The following KCNN2 variants were observed in gnomAD, a reference collection of about 807,000 sequenced individuals.
KCNN2 encodes small conductance calcium-activated potassium channel protein 2.
KCNN2 carries 24 observed loss-of-function variants against 55.5 expected under a neutral mutation model. The ratio of observed to expected loss-of-function variants is 0.43; its 90% CI spans 0.31 to 0.61. The LOEUF is 0.61. Ranked by LOEUF, KCNN2 falls within the 20% of genes least tolerant of loss-of-function variation. The pLI is 0.08. For synonymous variants in KCNN2, 431 were observed against 336.1 expected (o/e 1.28, Z -3.09); for missense variants, 754 against 853.6 (o/e 0.88, Z 1.45).
intron 2 of KCNN2, among the ~76,000 whole-genome samples, chr5:114,350,648 G>T (rs1420698770): frequency 6.6e-6 from 1 of 151,860 alleles, no homozygotes; most frequent in African/African-American, 2.4e-5. Context: ...GTAAAGAAAG[G>T]GTCCAGGTTC....
rs537815980 is a variant in KCNN2, at chr5:114,484,623, T to G, written c.1891-2427T>G. On this transcript the variant is annotated intron_variant, in intron 5 of 7. Coordinates refer to ENST00000673685, the MANE Select transcript of KCNN2 (RefSeq NM_021614.4). ...ACTGTCCTCTGTTCCTTTTCAACCCTAGATGGAAAGGAAGACCCTACTATT... is the reference window on the plus strand; with the variant it reads ...ACTGTCCTCTGTTCCTTTTCAACCCGAGATGGAAAGGAAGACCCTACTATT... 2.0e-4 allele frequency among the ~76,000 whole-genome samples: 30 copies of G among 152,240 alleles called. 2 individuals carry two copies. The South Asian group carries it at 6.2e-3, about 32-fold the overall frequency.
Position 114,404,485 on chromosome 5 carries a change from T to G in KCNN2, c.1266T>G (p.Thr422=). The G allele has an allele frequency of 6.2e-7, 1 of 1,613,648 alleles. No individual in the cohort carries two copies. The highest frequency in any genetic ancestry group is 8.5e-7 in the Non-Finnish European group (1 of 1,179,984). Residue 422 remains threonine, a synonymous_variant, in exon 3 of 8, where the codon ACT becomes ACG. Coordinates refer to ENST00000673685, the MANE Select transcript of KCNN2 (RefSeq NM_021614.4). Reference sequence around the variant, plus strand: ...CAGATGACTGGAGAATAGCCATGACTTATGAGCGTATTTTCTTCATCTGCT... The same window carrying G: ...CAGATGACTGGAGAATAGCCATGACGTATGAGCGTATTTTCTTCATCTGCT... The part of the protein sequence containing the change: ...NGADDWRIAM[T]YERIFFICLE...
In KCNN2 at chr5:114,468,092, T is replaced by G. The variant is rs78180601; in HGVS notation, c.1779+4902T>G. ...CCCTCTTTTCTTACAATGAGGACAT[T>G]TGAAATTGACCTCCACCCTTAGTAG... On this transcript the variant is annotated intron_variant, in intron 4 of 7. Coordinates refer to ENST00000673685, the MANE Select transcript of KCNN2 (RefSeq NM_021614.4). Among the ~76,000 whole-genome samples, 161 of 152,248 alleles carry G rather than the reference T, an allele frequency of 1.1e-3. 1 individual carries two copies. The East Asian group carries it at 0.027, about 26-fold the overall frequency.
At chr5:114,126,176 T>C (rs1309813321) in intron 1 of KCNN2, among the ~76,000 whole-genome samples, 1 of 152,142 alleles carries the variant, frequency 6.6e-6, no homozygotes, top group African/African-American at 2.4e-5. Flanking sequence ...GATACTGGAT[T>C]AGGTCCCATC....
intron 1 of KCNN2, among the ~76,000 whole-genome samples, chr5:114,125,517 C>G (rs1408975052): frequency 6.6e-6 from 1 of 152,150 alleles, no homozygotes; most frequent in Non-Finnish European, 1.5e-5. Context: ...ACCTTGCTTT[C>G]TACTCTACAA....
chr5:114,135,298 T>A (rs1352508748), intron 1 of KCNN2, among the ~76,000 whole-genome samples: 5 of 152,208 alleles, frequency 3.3e-5, no homozygotes, highest in African/African-American at 1.2e-4. Flanking sequence ...TATTCAACAC[T>A]GTCCCTACTC....
chr5:114,365,680 T>A (rs1039400656), intron 2 of KCNN2, among the ~76,000 whole-genome samples: 2 of 152,236 alleles, frequency 1.3e-5, no homozygotes, highest in African/African-American at 4.8e-5. Context: ...AATATTTCTT[T>A]TTCTGCAGTT....
Position 114,355,660 on chromosome 5 carries a change from G to A in KCNN2, c.-184-5285G>A, listed in dbSNP as rs373852229. On this transcript the variant is annotated intron_variant, in intron 2 of 10. Coordinates refer to the KCNN2 transcript ENST00000512097. ...TGAGAGGACAAGTCTGCCAGAGTAG[G>A]AGCCAAGGAACCAAACTGGATGCCT... is the stretch of plus-strand genomic sequence containing the variant. 2.0e-5 allele frequency among the ~76,000 whole-genome samples: 3 copies of A among 150,860 alleles called. No homozygotes were observed. The East Asian group carries it at 5.8e-4, about 29-fold the overall frequency.
At chr5:114,246,223 A>G (rs1754746352) in intron 2 of KCNN2, among the ~76,000 whole-genome samples, 1 of 152,204 alleles carries the variant, frequency 6.6e-6, no homozygotes, top group Non-Finnish European at 1.5e-5. Flanking sequence ...AGGCCAAGAA[A>G]TACTGATTTG....
At chr5:114,121,061 G>C (rs978153674) in intron 1 of KCNN2, among the ~76,000 whole-genome samples, 3 of 152,182 alleles carry the variant, frequency 2.0e-5, no homozygotes, top group African/African-American at 7.2e-5. Flanking sequence ...AATGGTCCAG[G>C]GTTGGTAGTG....
intron 2 of KCNN2, among the ~76,000 whole-genome samples, chr5:114,340,635 A>G (rs1756998012): frequency 6.6e-6 from 1 of 150,400 alleles, no homozygotes; most frequent in African/African-American, 2.4e-5. Flanking sequence ...TAACATATCC[A>G]TCACCTCACA....
At chr5:114,300,991 AT>A (rs1470886628) in intron 2 of KCNN2, among the ~76,000 whole-genome samples, 5 of 152,036 alleles carry the variant, frequency 3.3e-5, no homozygotes, top group African/African-American at 1.2e-4. Context: ...GAAATTTATT[AT>A]TTTTAGTAAT....
At chr5:114,181,131 T>C (rs998025593) in intron 1 of KCNN2, among the ~76,000 whole-genome samples, 1 of 152,216 alleles carries the variant, frequency 6.6e-6, no homozygotes, top group Admixed American at 6.5e-5. Flanking sequence ...TTCTTTTCTC[T>C]TAAGTACCTA....
At chr5:114,145,903 G>A (rs1164695770) in intron 1 of KCNN2, among the ~76,000 whole-genome samples, 1 of 152,112 alleles carries the variant, frequency 6.6e-6, no homozygotes, top group Non-Finnish European at 1.5e-5. Context: ...AAAGGAGTTA[G>A]CGTGGTTATT....
intron 1 of KCNN2, among the ~76,000 whole-genome samples, chr5:114,217,601 C>T (rs1022756511): frequency 6.6e-6 from 1 of 152,054 alleles, no homozygotes; most frequent in African/African-American, 2.4e-5. Flanking sequence ...CCTAAATTAA[C>T]TTAAAATGAA....
intron 1 of KCNN2, among the ~76,000 whole-genome samples, chr5:114,153,228 G>C (rs1381748575): frequency 6.6e-6 from 1 of 152,190 alleles, no homozygotes; most frequent in African/African-American, 2.4e-5. Flanking sequence ...TGTTTTGACA[G>C]TGAGGGTGTA....
chr5:114,455,662 T>C (rs1474491192), intron 3 of KCNN2, among the ~76,000 whole-genome samples: 1 of 152,256 alleles, frequency 6.6e-6, no homozygotes, highest in African/African-American at 2.4e-5. Flanking sequence ...CTAGGCTTCT[T>C]ATACCAAACA....
intron 2 of KCNN2, among the ~76,000 whole-genome samples, chr5:114,365,066 TTTAAA>T (rs1009401580): frequency 1.3e-5 from 2 of 152,102 alleles, no homozygotes; most frequent in Admixed American, 6.5e-5. Flanking sequence ...TTAAATTAAT[TTTAAA>T]TTAGTAATTA....
chr5:114,407,719 C>A lies in KCNN2; in HGVS notation c.1637+2863C>A, dbSNP rs1226465932. ...ATCGGAAGTCTTTTCTGCTCTTCTG[C>A]CATGAAAGCAGAAGCCTGAGGTGAC... On this transcript the variant is annotated intron_variant, in intron 3 of 7. Coordinates refer to ENST00000673685, the MANE Select transcript of KCNN2 (RefSeq NM_021614.4). 2.0e-5 allele frequency among the ~76,000 whole-genome samples: 3 copies of A among 152,178 alleles called. No homozygotes were observed. In the East Asian group the frequency reaches 5.8e-4, roughly 29 times the overall value.
Sources: gnomAD v4.1 joint callset for allele counts (sites outside exome capture counted in the v4.1 genomes callset) on GRCh38, gnomAD v4.1.1 for gene constraint, MANE v1.5 for transcripts, NCBI Gene and HGNC (gene_info 2026-07-23, HGNC 2026-07-21) for gene names.